ST8SIA4: variants seen among roughly 807,000 people sequenced by gnomAD.
ST8SIA4 encodes CMP-N-acetylneuraminate-poly-alpha-2,8-sialyltransferase.
Under a neutral mutation model 33.9 loss-of-function variants are expected in ST8SIA4, and 15 were observed. The observed-to-expected ratio is 0.44, with a 90% CI of 0.30 to 0.68. The LOEUF (loss-of-function observed/expected upper bound fraction) is 0.68. Among genes scored for constraint, ST8SIA4 ranks in the 30% least tolerant of loss-of-function variants. The probability of loss-of-function intolerance (pLI) is 0.10; values close to 1 mark genes in which losing one functional copy is unlikely to be tolerated. For missense variants in ST8SIA4, 321 were observed against 428.0 expected (o/e 0.75, Z 2.21); for synonymous variants, 171 against 151.2 (o/e 1.13, Z -0.96).
chr5:100,829,782 C>A (rs1751214033), intron 4 of ST8SIA4, among the ~76,000 whole-genome samples: 1 of 151,978 alleles, frequency 6.6e-6, no homozygotes, highest in Non-Finnish European at 1.5e-5. Flanking sequence ...GTGGTGGGCG[C>A]CTGCAGTCCC....
At chr5:100,858,615 C>T (rs563824335) in intron 3 of ST8SIA4, among the ~76,000 whole-genome samples, 2 of 152,116 alleles carry the variant, frequency 1.3e-5, no homozygotes, top group East Asian at 3.9e-4. Context: ...GTAAGATGCT[C>T]ATCAATTAAA....
At position 100,902,862 on chromosome 5, in the gene ST8SIA4, G is replaced by C; in HGVS notation, c.94C>G (p.Gln32Glu). The stretch of plus-strand genomic sequence containing the variant: ...ATTTACCCGATGAGTTGCGTCTCCT[G>C]GTGCTCCTCAGTTCTTGCTATTTCT... ...TKEIARTEEH[Q>E]ETQLIGDGEL... is the part of the protein sequence containing the mutation. The change falls in exon 1 of 5, where the codon CAG (glutamine) becomes GAG (glutamate). Residue 32 changes from glutamine to glutamate, a missense_variant. Gln to Glu is a conservative substitution (Grantham distance 29). Transcript: ENST00000231461. 1.2e-6 allele frequency: 2 copies of C among 1,613,926 alleles called. No homozygotes were observed. Among genetic ancestry groups the C allele is most frequent in the Admixed American group, 3.3e-5 (2 of 60,018 alleles).
chr5:100,883,928 T>C (rs1752482137), intron 3 of ST8SIA4, among the ~76,000 whole-genome samples: 1 of 152,162 alleles, frequency 6.6e-6, no homozygotes, highest in Admixed American at 6.6e-5. Context: ...AATACACCAC[T>C]TAAGGAAGTG....
chr5:100,834,596 C>T (rs1376111042), intron 4 of ST8SIA4, among the ~76,000 whole-genome samples: 2 of 152,058 alleles, frequency 1.3e-5, no homozygotes, highest in East Asian at 3.9e-4. Flanking sequence ...CTGGGAAATA[C>T]CATGTTGAGA....
chr5:100,881,086 C>T (rs1752412600), intron 3 of ST8SIA4, among the ~76,000 whole-genome samples: 2 of 152,152 alleles, frequency 1.3e-5, no homozygotes, highest in Admixed American at 6.5e-5. Context: ...GCAGGTAAGA[C>T]TCATGTAGGA....
intron 4 of ST8SIA4, among the ~76,000 whole-genome samples, chr5:100,818,093 G>A (rs544118275): frequency 8.5e-5 from 13 of 152,260 alleles, no homozygotes; most frequent in Admixed American, 5.2e-4. Context: ...GGAAAGAAAG[G>A]ATAAATAATC....
intron 4 of ST8SIA4, among the ~76,000 whole-genome samples, chr5:100,813,669 G>C (rs1750856849): frequency 6.6e-6 from 1 of 151,998 alleles, no homozygotes; most frequent in Admixed American, 6.5e-5. Flanking sequence ...AAGAAACTAT[G>C]ATGTGGCCTG....
chr5:100,858,853 T>A (rs1032958289), intron 3 of ST8SIA4, among the ~76,000 whole-genome samples: 1 of 152,044 alleles, frequency 6.6e-6, no homozygotes, highest in Admixed American at 6.6e-5. Context: ...TCAGACTTTG[T>A]CAAGGATAGT....
chr5:100,826,850 A>G (rs764204798), intron 4 of ST8SIA4, among the ~76,000 whole-genome samples: 1 of 151,834 alleles, frequency 6.6e-6, no homozygotes, highest in African/African-American at 2.4e-5. Flanking sequence ...TTATATTTAC[A>G]TAAACAATTA....
intron 3 of ST8SIA4, among the ~76,000 whole-genome samples, chr5:100,879,105 C>T (rs1266853286): frequency 1.3e-5 from 2 of 152,234 alleles, no homozygotes; most frequent in Non-Finnish European, 2.9e-5. Flanking sequence ...AATTTTTGTG[C>T]CTTCACTAAG....
intron 4 of ST8SIA4, among the ~76,000 whole-genome samples, chr5:100,833,926 A>G (rs1427409249): frequency 3.9e-5 from 6 of 152,138 alleles, no homozygotes; most frequent in Non-Finnish European, 5.9e-5. Context: ...GTGAGGTAAG[A>G]ACTGTATCTA....
intron 4 of ST8SIA4, chr5:100,849,457 C>G (rs892921905): frequency 4.1e-6 from 4 of 985,086 alleles, no homozygotes; most frequent in Non-Finnish European, 2.4e-6. Flanking sequence ...TTTCGCAGAA[C>G]CTGCAAAATA....
chr5:100,819,707 T>C (rs1480742444), intron 4 of ST8SIA4, among the ~76,000 whole-genome samples: 1 of 152,234 alleles, frequency 6.6e-6, no homozygotes, highest in African/African-American at 2.4e-5. Context: ...TTCCAGGTAT[T>C]AGTTGTTTAT....
At chr5:100,892,892 G>T (rs1172399202) in intron 2 of ST8SIA4, among the ~76,000 whole-genome samples, 1 of 151,900 alleles carries the variant, frequency 6.6e-6, no homozygotes, top group Non-Finnish European at 1.5e-5. Context: ...TGCATGCAGG[G>T]CTTAAAACCT....
At chr5:100,824,080 C>A (rs932532635) in intron 4 of ST8SIA4, among the ~76,000 whole-genome samples, 1 of 152,132 alleles carries the variant, frequency 6.6e-6, no homozygotes, top group Non-Finnish European at 1.5e-5. Context: ...CCTCTCTAAT[C>A]ACTTGTTTGA....
At chr5:100,856,505 A>T (rs144485411) in intron 3 of ST8SIA4, 109 bp from the exon 4 acceptor site, 39 of 1,077,144 alleles carry the variant, frequency 3.6e-5, no homozygotes, top group African/African-American at 2.2e-4. Flanking sequence ...TAACCATGTG[A>T]AAAGAAAACC....
intron 4 of ST8SIA4, among the ~76,000 whole-genome samples, chr5:100,813,573 A>G (rs564940008): frequency 2.0e-4 from 31 of 152,160 alleles, no homozygotes; most frequent in South Asian, 1.0e-3. Flanking sequence ...GAGCAAAACC[A>G]TAACTCATAC....
rs1450049180 is a variant in ST8SIA4, at chr5:100,807,697, T to G, written c.*4150A>C. ...TAACTGAAGTCTCAAAAGAACTTCT[T>G]TATTCTAAAGTGGACTTACTTATCT... On this transcript the variant is annotated 3_prime_UTR_variant, in exon 5 of 5. Coordinates refer to ENST00000231461, the MANE Select transcript of ST8SIA4 (RefSeq NM_005668.6). 6.6e-6 allele frequency: 1 copy of G among 152,528 alleles called. No individual in the cohort carries two copies. Among genetic ancestry groups the G allele is most frequent in the Non-Finnish European group, 1.5e-5 (1 of 67,962 alleles). The allele number at this position is 152,528 out of a possible 1,614,324, so 9.4% of individuals were successfully genotyped here.
intron 3 of ST8SIA4, among the ~76,000 whole-genome samples, chr5:100,883,646 A>C (rs1752476444): frequency 6.6e-6 from 1 of 152,138 alleles, no homozygotes; most frequent in East Asian, 1.9e-4. Context: ...GTGTTGTGGG[A>C]GGGACCAGTG....
Sources: gnomAD v4.1 joint callset for allele counts (sites outside exome capture counted in the v4.1 genomes callset) on GRCh38, gnomAD v4.1.1 for gene constraint, MANE v1.5 for transcripts, NCBI Gene and HGNC (gene_info 2026-07-23, HGNC 2026-07-21) for gene names.